The following PRTG variants were observed in gnomAD, a reference collection of about 807,000 sequenced individuals.
PRTG encodes protogenin, also known as immunoglobulin superfamily, DCC subclass, member 5.
Under a neutral mutation model 122.5 loss-of-function variants are expected in PRTG, and 67 were observed. The ratio of observed to expected loss-of-function variants is 0.55; its 90% CI spans 0.45 to 0.67. The LOEUF is 0.67. Ranked by LOEUF, PRTG falls within the 30% of genes least tolerant of loss-of-function variation. The pLI, the probability that PRTG is intolerant of heterozygous loss-of-function variation, is 0.00. For synonymous variants in PRTG, 554 were observed against 501.1 expected (o/e 1.11, Z -1.41); for missense variants, 1,435 against 1,415.4 (o/e 1.01, Z -0.22).
intron 2 of PRTG, among the ~76,000 whole-genome samples, chr15:55,736,664 C>T (rs1267064722): frequency 6.6e-6 from 1 of 152,114 alleles, no homozygotes; most frequent in South Asian, 2.1e-4. Flanking sequence ...GCAAACTCAA[C>T]CTCAAAATTT....
At chr15:55,708,161 A>AAAAACAAAAC (rs1567109101) in intron 2 of PRTG, among the ~76,000 whole-genome samples, 1 of 95,772 alleles carries the variant, frequency 1.0e-5, no homozygotes, top group Non-Finnish European at 2.2e-5. Flanking sequence ...AAAAAAAAAA[A>AAAAACAAAAC]AAAAAAAAAA....
Position 55,628,924 on chromosome 15 carries a change from C to G in PRTG, c.2704G>C (p.Gly902Arg). Residue 902 changes from glycine (G) to arginine (R), a missense_variant, in exon 16 of 20, where the codon GGA (glycine) becomes CGA (arginine). Gly to Arg is a moderately radical substitution (Grantham distance 125). Transcript: ENST00000389286. ...IVKISASNEV[G>R]EGPFSNSVEL... ...ACAGAATTTGAAAAGGGTCCTTCTCCCACCTCATTGGATGCAGATATCTTG... is the reference window on the plus strand; with the variant it reads ...ACAGAATTTGAAAAGGGTCCTTCTCGCACCTCATTGGATGCAGATATCTTG... The G allele has an allele frequency of 6.2e-7, 1 of 1,613,932 alleles. No homozygotes were observed. Among genetic ancestry groups the G allele is most frequent in the Non-Finnish European group, 8.5e-7 (1 of 1,179,856 alleles).
In PRTG at chr15:55,673,634, G is replaced by A. The variant is rs768466909; in HGVS notation, c.1589C>T (p.Pro530Leu). 2 of 1,614,108 alleles carry A rather than the reference G, an allele frequency of 1.2e-6. No homozygotes were observed. Among genetic ancestry groups the A allele is most frequent in the South Asian group, 2.2e-5 (2 of 91,082 alleles). Reference sequence around the variant, plus strand: ...CAGCCAGGAGATGAGAATATCAGTGGGACTTCGACTTGTCAAACTAATTTC... The same window carrying A: ...CAGCCAGGAGATGAGAATATCAGTGAGACTTCGACTTGTCAAACTAATTTC... The part of the protein sequence containing the change: ...PPEISLTSRS[P>L]TDILISWLPI... Residue 530 changes from proline to leucine, a missense_variant, in exon 10 of 20, where the codon CCC becomes CTC. Transcript: ENST00000389286.
At chr15:55,654,282 A>G (rs965739974) in intron 11 of PRTG, among the ~76,000 whole-genome samples, 1 of 152,206 alleles carries the variant, frequency 6.6e-6, no homozygotes, top group Non-Finnish European at 1.5e-5. Flanking sequence ...AGAAAAGAAC[A>G]CTTCAAAAGG....
chr15:55,644,400 T>C (rs373660620), intron 11 of PRTG, among the ~76,000 whole-genome samples: 6 of 152,188 alleles, frequency 3.9e-5, no homozygotes, highest in African/African-American at 1.4e-4. Flanking sequence ...CTTCAATCAA[T>C]ACTGCATGAA....
At chr15:55,675,469 A>G (rs746962234) in intron 9 of PRTG, 50 bp downstream of exon 9, 10 of 1,319,682 alleles carry the variant, frequency 7.6e-6, no homozygotes, top group African/African-American at 5.8e-5. Context: ...TGAAATTGAC[A>G]AAACATACGA....
intron 11 of PRTG, among the ~76,000 whole-genome samples, chr15:55,669,336 G>A (rs1006248625): frequency 2.0e-5 from 3 of 152,158 alleles, no homozygotes; most frequent in Admixed American, 1.3e-4. Context: ...TATCTTTAAT[G>A]TGCAAAAGCT....
intron 5 of PRTG, 60 bp from the exon 6 acceptor site, chr15:55,680,272 A>G: frequency 3.0e-6 from 4 of 1,334,820 alleles, no homozygotes; most frequent in Non-Finnish European, 4.2e-6. Context: ...AATTATGTCA[A>G]AAGACCACTA....
rs1204419259 is a variant in PRTG, at chr15:55,612,833, C to T, written c.*7179G>A. ...CATTTTCTCTTATGATTTTATCCAC[C>T]TAACATATGAGTGTTTCCATTTCAG... On this transcript the variant is annotated 3_prime_UTR_variant, in exon 20 of 20. Coordinates refer to ENST00000389286, the MANE Select transcript of PRTG (RefSeq NM_173814.6). 1.3e-5 allele frequency: 2 copies of T among 150,164 alleles called. No individual in the cohort carries two copies. Among genetic ancestry groups the T allele is most frequent in the African/African-American group, 5.0e-5 (2 of 40,264 alleles). 9.3% of individuals were successfully genotyped at this position (150,164 alleles called of 1,614,324 possible). A position where few individuals can be genotyped will look rare whatever the true frequency, so the allele number is the denominator to read the frequency against.
chr15:55,720,476 A>G (rs181581522), intron 2 of PRTG, among the ~76,000 whole-genome samples: 2 of 152,194 alleles, frequency 1.3e-5, no homozygotes, highest in East Asian at 1.9e-4. Flanking sequence ...TTCACATCCT[A>G]TTGGAATTCT....
At chr15:55,662,520 T>C (rs2059415628) in intron 11 of PRTG, among the ~76,000 whole-genome samples, 1 of 152,252 alleles carries the variant, frequency 6.6e-6, no homozygotes, top group Non-Finnish European at 1.5e-5. Flanking sequence ...TGCTTCTTTC[T>C]TATTAAAAAT....
chr15:55,639,895 G>A, intron 12 of PRTG, 67 bp from the exon 13 acceptor site: 2 of 1,570,816 alleles, frequency 1.3e-6, no homozygotes, highest in African/African-American at 1.3e-5. Context: ...TGGTAAAATG[G>A]TAAAATAATA....
chr15:55,676,151 A>G (rs1257897245), intron 8 of PRTG, among the ~76,000 whole-genome samples: 1 of 152,022 alleles, frequency 6.6e-6, no homozygotes, highest in African/African-American at 2.4e-5. Flanking sequence ...GAAAGATCTC[A>G]TTTTGCCCCT....
intron 2 of PRTG, among the ~76,000 whole-genome samples, chr15:55,685,016 T>C (rs1479519240): frequency 6.6e-6 from 1 of 151,936 alleles, no homozygotes; most frequent in Non-Finnish European, 1.5e-5. Context: ...TTTGAGGGAG[T>C]GTAAATTCCA....
intron 10 of PRTG, 126 bp downstream of exon 10, chr15:55,673,245 G>A (rs922429813): frequency 2.8e-6 from 2 of 724,186 alleles, no homozygotes; most frequent in South Asian, 2.2e-5. Flanking sequence ...TTTCAATTAA[G>A]TCCATCATCT....
intron 2 of PRTG, among the ~76,000 whole-genome samples, chr15:55,721,552 T>C (rs1008882581): frequency 6.6e-6 from 1 of 152,244 alleles, no homozygotes; most frequent in Admixed American, 6.5e-5. Context: ...TGCTTTCGAC[T>C]ATTCATTTCC....
chr15:55,742,771 T>A, intron 1 of PRTG, 67 bp downstream of exon 1: 1 of 1,526,914 alleles, frequency 6.5e-7, no homozygotes, highest in Non-Finnish European at 8.8e-7. Flanking sequence ...GTTTCCTCTT[T>A]CCCCATCCCA....
At chr15:55,629,795 CAT>C (rs1567074931) in intron 15 of PRTG, among the ~76,000 whole-genome samples, 6 of 150,438 alleles carry the variant, frequency 4.0e-5, no homozygotes, top group Non-Finnish European at 5.9e-5. Flanking sequence ...TTTTTGAAAG[CAT>C]GAATATATTT....
In PRTG at chr15:55,743,114, G is replaced by T; in HGVS notation, c.-183C>A. ...GGCTGGTGCTCGGACGGCCGCTCGC[G>T]AGAAGCAAGGGGCCTGAGAGTCCGG... is the stretch of plus-strand genomic sequence containing the variant. On this transcript the variant is annotated 5_prime_UTR_variant, in exon 1 of 20. Transcript: ENST00000389286. The T allele has an allele frequency of 7.8e-7, 1 of 1,277,442 alleles. No homozygotes were observed. The highest frequency in any genetic ancestry group is 9.8e-7 in the Non-Finnish European group (1 of 1,016,670). The allele number at this position is 1,277,442 out of a possible 1,614,324, so 79.1% of individuals were successfully genotyped here. A position where few individuals can be genotyped will look rare whatever the true frequency, so the allele number is the denominator to read the frequency against.
Sources: gnomAD v4.1 joint callset for allele counts (sites outside exome capture counted in the v4.1 genomes callset) on GRCh38, gnomAD v4.1.1 for gene constraint, MANE v1.5 for transcripts, NCBI Gene and HGNC (gene_info 2026-07-23, HGNC 2026-07-21) for gene names.